The following TUBA8 variants were observed in gnomAD, a reference collection of about 807,000 sequenced individuals.
TUBA8 encodes the protein tubulin alpha 8, also known as tubulin alpha-8 chain.
Under a neutral mutation model 34.7 loss-of-function variants are expected in TUBA8, and 29 were observed. That is an observed-to-expected ratio of 0.84 (90% confidence interval 0.62 to 1.14). The LOEUF (loss-of-function observed/expected upper bound fraction) is 1.14, where lower values mean the gene tolerates loss of function less well. Ranked by LOEUF, TUBA8 falls within the 50% of genes most tolerant of loss-of-function variation. The pLI is 0.00. For synonymous variants in TUBA8, 226 were observed against 231.2 expected (o/e 0.98, Z 0.21); for missense variants, 541 against 599.2 (o/e 0.90, Z 1.01).
chr22:18,128,182 A>T (rs1217485387), intron 4 of TUBA8: 1 of 152,188 alleles, frequency 6.6e-6, no homozygotes, highest in African/African-American at 2.4e-5. Flanking sequence ...ATCAATTTGG[A>T]GTAATAAGAT....
In TUBA8 at chr22:18,124,763, A is replaced by C. The variant is rs1928263089; in HGVS notation, c.375+459A>C. On this transcript the variant is annotated intron_variant, in intron 3 of 4. Transcript: ENST00000330423. The surrounding 1 kb of genome is among the most constrained non-coding windows in gnomAD (Gnocchi z 4.3). Reference sequence around the variant, plus strand: ...TGTCCTTCCTGTGCTTTACAGATGAAGAAATTGAGGGCCAGGGTGGTTCAA... The same window carrying C: ...TGTCCTTCCTGTGCTTTACAGATGACGAAATTGAGGGCCAGGGTGGTTCAA... 1 of 160,194 alleles carries C rather than the reference A, an allele frequency of 6.2e-6. No individual in the cohort carries two copies. The highest frequency in any genetic ancestry group is 1.7e-4 in the East Asian group (1 of 5,790). 9.9% of individuals were successfully genotyped at this position (160,194 alleles called of 1,614,324 possible). A position where few individuals can be genotyped will look rare whatever the true frequency, so the allele number is the denominator to read the frequency against.
In TUBA8 at chr22:18,124,477, C is replaced by T; in HGVS notation, c.375+173C>T. On this transcript the variant is annotated intron_variant, in intron 3 of 4. Coordinates refer to ENST00000330423, the MANE Select transcript of TUBA8 (RefSeq NM_018943.3). This position sits in a 1 kb window ranked among gnomAD's most constrained non-coding sequence, Gnocchi z 4.3. ...TAAGAAGCATGCACAGGGGTGATGC[C>T]CCTTCCTCTGTGTTGGCATCATAGA... The T allele has an allele frequency of 8.3e-6, 6 of 719,002 alleles. No homozygotes were observed. The South Asian group carries it at 1.2e-4, about 14-fold the overall frequency. 44.5% of individuals were successfully genotyped at this position (719,002 alleles called of 1,614,324 possible). A position where few individuals can be genotyped will look rare whatever the true frequency, so the allele number is the denominator to read the frequency against.
rs1928507057 is a variant in TUBA8 at position 18,131,311 on chromosome 22, C to T, written c.*175C>T. 2 of 648,544 alleles carry T rather than the reference C, an allele frequency of 3.1e-6. No homozygotes were observed. The highest frequency in any genetic ancestry group is 5.4e-6 in the Non-Finnish European group (2 of 372,412). 40.2% of individuals were successfully genotyped at this position (648,544 alleles called of 1,614,324 possible). A position where few individuals can be genotyped will look rare whatever the true frequency, so the allele number is the denominator to read the frequency against. ...ACTGGGCTAAGTGGACACTGAGCTT[C>T]ATCAGGCCCTCCCTGGGTAGGAGCA... On this transcript the variant is annotated 3_prime_UTR_variant, in exon 5 of 5. Transcript: ENST00000330423. The surrounding 1 kb of genome is among the most constrained non-coding windows in gnomAD (Gnocchi z 5.3).
chr22:18,121,848 C>T lies in TUBA8; in HGVS notation c.226+147C>T. 1.4e-6 allele frequency: 1 copy of T among 710,634 alleles called. No individual in the cohort carries two copies. Among genetic ancestry groups the T allele is most frequent in the East Asian group, 2.7e-5 (1 of 36,828 alleles). 44.0% of individuals were successfully genotyped at this position (710,634 alleles called of 1,614,324 possible). On this transcript the variant is annotated intron_variant, in intron 2 of 4. Coordinates refer to ENST00000330423, the MANE Select transcript of TUBA8 (RefSeq NM_018943.3). This position sits in a 1 kb window ranked among gnomAD's most constrained non-coding sequence, Gnocchi z 4.8. ...CCACCCCACGTGACATCTGTCAGCT[C>T]CTTGGGGTCCCCACAGTCTCGGGGA...
Position 18,131,044 on chromosome 22 carries a change from G to A in TUBA8, c.1258G>A (p.Glu420Lys), listed in dbSNP as rs1271488901. ...GEGMEEGEFS[E>K]AREDLAALEK... ...GGGGATGGAAGAAGGAGAATTTTCT[G>A]AGGCCAGGGAAGACTTAGCTGCCCT... is the stretch of plus-strand genomic sequence containing the variant. The change falls in exon 5 of 5, where the codon GAG becomes AAG. Residue 420 changes from glutamate to lysine, a missense_variant. Transcript: ENST00000330423. The surrounding 1 kb of genome is among the most constrained non-coding windows in gnomAD (Gnocchi z 5.3). The A allele has an allele frequency of 1.2e-6, 2 of 1,614,108 alleles. No individual in the cohort carries two copies. The highest frequency in any genetic ancestry group is 1.7e-6 in the Non-Finnish European group (2 of 1,180,046).
intron 4 of TUBA8, chr22:18,128,338 T>G (rs1928401861): frequency 6.6e-6 from 1 of 151,902 alleles, no homozygotes; most frequent in South Asian, 2.1e-4. Flanking sequence ...AGATACAAAA[T>G]AGCGAGGGTA....
intron 1 of TUBA8, chr22:18,116,882 C>G (rs562946935): frequency 3.3e-5 from 5 of 152,324 alleles, no homozygotes; most frequent in Admixed American, 1.3e-4. Context: ...CTGCAGAGTG[C>G]TGGGGCTGGG....
intron 1 of TUBA8, chr22:18,115,227 T>C (rs1457429533): frequency 6.6e-6 from 1 of 152,344 alleles, no homozygotes; most frequent in Admixed American, 6.5e-5. Flanking sequence ...TACTGCCTCT[T>C]GTTCACACTG....
At position 18,111,050 on chromosome 22, in the gene TUBA8, C is replaced by G. The variant is rs111492027; in HGVS notation, c.3+182C>G. 13 of 855,254 alleles carry G rather than the reference C, an allele frequency of 1.5e-5. No individual in the cohort carries two copies. Among genetic ancestry groups the G allele is most frequent in the African/African-American group, 8.4e-5 (5 of 59,450 alleles). The allele number at this position is 855,254 out of a possible 1,614,324, so 53.0% of individuals were successfully genotyped here. A position where few individuals can be genotyped will look rare whatever the true frequency, so the allele number is the denominator to read the frequency against. ...GGCGGGAACACCCGGTGCCCTTTAT[C>G]GTATGGGGGAAATAGAGACCAGGGG... On this transcript the variant is annotated intron_variant, in intron 1 of 4. Transcript: ENST00000330423. The surrounding 1 kb of genome is among the most constrained non-coding windows in gnomAD (Gnocchi z 5.1).
In TUBA8 at chr22:18,126,644, T is replaced by C; in HGVS notation, c.666T>C (p.Pro222=). 6.2e-7 allele frequency: 1 copy of C among 1,614,110 alleles called. No individual in the cohort carries two copies. Among genetic ancestry groups the C allele is most frequent in the Non-Finnish European group, 8.5e-7 (1 of 1,180,028 alleles). The part of the protein sequence containing the change: ...ICRRNLDIER[P]TYTNLNRLIS... ...GCAGGAACCTTGACATTGAGCGCCC[T>C]ACCTATACCAACCTCAACCGCCTCA... is the stretch of plus-strand genomic sequence containing the variant. Residue 222 remains proline (P), a synonymous_variant, in exon 4 of 5, where the codon CCT becomes CCC. Transcript: ENST00000330423. This position sits in a 1 kb window ranked among gnomAD's most constrained non-coding sequence, Gnocchi z 4.0.
At chr22:18,114,828 G>T (rs1225950830) in intron 1 of TUBA8, 1 of 152,072 alleles carries the variant, frequency 6.6e-6, no homozygotes, top group Non-Finnish European at 1.5e-5. Flanking sequence ...TTACTGTCTT[G>T]TGATACTTGG....
Position 18,131,311 on chromosome 22 carries a change from CAT to C in TUBA8, c.*176_*177del. On this transcript the variant is annotated 3_prime_UTR_variant, in exon 5 of 5. Transcript: ENST00000330423. The surrounding 1 kb of genome is among the most constrained non-coding windows in gnomAD (Gnocchi z 5.3). ...ACTGGGCTAAGTGGACACTGAGCTT[CAT>C]CAGGCCCTCCCTGGGTAGGAGCAGC... is the stretch of plus-strand genomic sequence containing the variant. The C allele has an allele frequency of 3.1e-6, 2 of 648,660 alleles. No individual in the cohort carries two copies. Among genetic ancestry groups the C allele is most frequent in the Non-Finnish European group, 5.4e-6 (2 of 372,402 alleles). 40.2% of individuals were successfully genotyped at this position (648,660 alleles called of 1,614,324 possible).
Position 18,121,750 on chromosome 22 carries a change from G to A in TUBA8, c.226+49G>A, listed in dbSNP as rs1928158024. ...CCACAGAGAACATCTCGAAACTGCA[G>A]AGGCATTGGCCCACAGTAGCTAAGG... On this transcript the variant is annotated intron_variant, in intron 2 of 4. Coordinates refer to ENST00000330423, the MANE Select transcript of TUBA8 (RefSeq NM_018943.3). The surrounding 1 kb of genome is among the most constrained non-coding windows in gnomAD (Gnocchi z 4.8). The A allele has an allele frequency of 1.9e-6, 3 of 1,571,646 alleles. No homozygotes were observed. The highest frequency in any genetic ancestry group is 2.6e-6 in the Non-Finnish European group (3 of 1,145,130).
In TUBA8 at chr22:18,121,804, AT is replaced by A; in HGVS notation, c.226+104del. The A allele has an allele frequency of 8.4e-7, 1 of 1,185,184 alleles. No homozygotes were observed. Among genetic ancestry groups the A allele is most frequent in the Non-Finnish European group, 1.2e-6 (1 of 823,618 alleles). 73.4% of individuals were successfully genotyped at this position (1,185,184 alleles called of 1,614,324 possible). On this transcript the variant is annotated intron_variant, in intron 2 of 4. Transcript: ENST00000330423. This position sits in a 1 kb window ranked among gnomAD's most constrained non-coding sequence, Gnocchi z 4.8. ...CAGCGTCTCTAGCTGGAAGGTGGGG[AT>A]GGTGCAACCGCAGCCTCCCACCCCA...
At chr22:18,120,056 G>A (rs1443330113) in intron 1 of TUBA8, 3 of 152,200 alleles carry the variant, frequency 2.0e-5, no homozygotes, top group Non-Finnish European at 4.4e-5. Context: ...GGGAGGATGA[G>A]TCTATCACGC....
At position 18,121,597 on chromosome 22, in the gene TUBA8, G is replaced by C; in HGVS notation, c.122G>C (p.Ser41Thr). The C allele has an allele frequency of 6.2e-7, 1 of 1,614,234 alleles. No individual in the cohort carries two copies. Among genetic ancestry groups the C allele is most frequent in the Non-Finnish European group, 8.5e-7 (1 of 1,180,044 alleles). Residue 41 changes from serine to threonine, a missense_variant, in exon 2 of 5, where the codon AGC (serine) becomes ACC (threonine). Coordinates refer to ENST00000330423, the MANE Select transcript of TUBA8 (RefSeq NM_018943.3). The surrounding 1 kb of genome is among the most constrained non-coding windows in gnomAD (Gnocchi z 4.8). ...QADGTFDAQA[S>T]KINDDDSFTT... is the part of the protein sequence containing the mutation. ...GACGGCACTTTTGATGCTCAAGCTAGCAAGATCAACGATGATGACTCCTTC... is the reference window on the plus strand; with the variant it reads ...GACGGCACTTTTGATGCTCAAGCTACCAAGATCAACGATGATGACTCCTTC...
At chr22:18,125,121 G>C (rs1022224398) in intron 3 of TUBA8, 3 of 152,182 alleles carry the variant, frequency 2.0e-5, no homozygotes, top group African/African-American at 7.2e-5. Flanking sequence ...TGACATCCGT[G>C]CTTACAACGT....
rs1036434943 is a variant in TUBA8 at position 18,110,951 on chromosome 22, C to G, written c.3+83C>G. 1.3e-6 allele frequency: 2 copies of G among 1,530,636 alleles called. No homozygotes were observed. Among genetic ancestry groups the G allele is most frequent in the African/African-American group, 2.7e-5 (2 of 72,922 alleles). The allele number at this position is 1,530,636 out of a possible 1,614,324, so 94.8% of individuals were successfully genotyped here. ...CCGAGTCTACGCGGAGGCGCACGGA[C>G]CCGTCTTCCTGGAGCCGCAGGGCTC... is the stretch of plus-strand genomic sequence containing the variant. On this transcript the variant is annotated intron_variant, in intron 1 of 4. Transcript: ENST00000330423. The surrounding 1 kb of genome is among the most constrained non-coding windows in gnomAD (Gnocchi z 6.2).
Position 18,121,778 on chromosome 22 carries a change from G to A in TUBA8, c.226+77G>A. The A allele has an allele frequency of 7.0e-7, 1 of 1,425,100 alleles. No individual in the cohort carries two copies. The highest frequency in any genetic ancestry group is 9.8e-7 in the Non-Finnish European group (1 of 1,024,754). 88.3% of individuals were successfully genotyped at this position (1,425,100 alleles called of 1,614,324 possible). On this transcript the variant is annotated intron_variant, in intron 2 of 4. Coordinates refer to ENST00000330423, the MANE Select transcript of TUBA8 (RefSeq NM_018943.3). This position sits in a 1 kb window ranked among gnomAD's most constrained non-coding sequence, Gnocchi z 4.8. ...GCATTGGCCCACAGTAGCTAAGGAA[G>A]CAGCGTCTCTAGCTGGAAGGTGGGG...
Sources: gnomAD v4.1 joint callset for allele counts on GRCh38, gnomAD v4.1.1 for gene constraint, Gnocchi (gnomAD v3.1) non-coding constraint, MANE v1.5 for transcripts, NCBI Gene and HGNC (gene_info 2026-07-23, HGNC 2026-07-21) for gene names.